Variants in CDKN3 observed in about 807,000 individuals in gnomAD.
CDKN3 encodes the protein cyclin dependent kinase inhibitor 3.
A neutral mutation model predicts 36.1 loss-of-function variants in CDKN3; 19 were observed. The ratio of observed to expected loss-of-function variants is 0.53; its 90% CI spans 0.37 to 0.77. CDKN3 has a LOEUF of 0.77. Ranked by LOEUF, CDKN3 falls within the 30% of genes least tolerant of loss-of-function variation. The pLI is 0.00. For missense variants in CDKN3, 188 were observed against 248.6 expected (o/e 0.76, Z 1.64); for synonymous variants, 71 against 85.3 (o/e 0.83, Z 0.92).
chr14:54,401,658 G>C (rs1311764522), intron 3 of CDKN3, 79 bp downstream of exon 3: 5 of 1,031,026 alleles, frequency 4.8e-6, no homozygotes, highest in Non-Finnish European at 7.1e-6. Context: ...CTTTTGGGGG[G>C]ACAGGTGGTG....
chr14:54,418,430 C>A, intron 7 of CDKN3: 1 of 605,614 alleles, frequency 1.7e-6, no homozygotes, highest in Admixed American at 2.9e-5. Context: ...TGCTAATTAT[C>A]CTTTGCAGTA....
intron 7 of CDKN3, chr14:54,418,387 A>G: frequency 1.5e-6 from 1 of 651,000 alleles, no homozygotes; most frequent in Non-Finnish European, 2.8e-6. Flanking sequence ...ATAAAGACAG[A>G]TGAATGACTA....
At chr14:54,417,985 T>A (rs773124617) in intron 7 of CDKN3, 34 bp downstream of exon 7, 5 of 1,224,892 alleles carry the variant, frequency 4.1e-6, no homozygotes, top group Non-Finnish European at 5.9e-6. Context: ...TTGGTTGTGG[T>A]TGGGGTCGTT....
chr14:54,408,802 T>A lies in CDKN3; in HGVS notation c.193+13T>A. On this transcript the variant is annotated intron_variant, in intron 4 of 7. Coordinates refer to ENST00000335183, the MANE Select transcript of CDKN3 (RefSeq NM_005192.4). Reference sequence around the variant, plus strand: ...CAAAAAGATACAGGTAGGTATAATATCACGCAACCACACTCATGGGTTTTT... The same window carrying A: ...CAAAAAGATACAGGTAGGTATAATAACACGCAACCACACTCATGGGTTTTT... 1.3e-6 allele frequency: 2 copies of A among 1,564,054 alleles called. No individual in the cohort carries two copies. Among genetic ancestry groups the A allele is most frequent in the East Asian group, 2.3e-5 (1 of 43,074 alleles).
intron 3 of CDKN3, among the ~76,000 whole-genome samples, chr14:54,407,143 G>A (rs1007812553): frequency 6.6e-6 from 1 of 152,214 alleles, no homozygotes; most frequent in Non-Finnish European, 1.5e-5. Context: ...GTCCACTCCA[G>A]ACCCTGTTTT....
At chr14:54,410,579 T>A (rs893004926) in intron 4 of CDKN3, among the ~76,000 whole-genome samples, 6 of 152,176 alleles carry the variant, frequency 3.9e-5, no homozygotes, top group African/African-American at 1.4e-4. Flanking sequence ...TTAATACAGG[T>A]AATGTTTTAT....
chr14:54,418,217 C>G (rs1212953352), intron 7 of CDKN3: 1 of 702,390 alleles, frequency 1.4e-6, no homozygotes, highest in Admixed American at 2.0e-5. Context: ...TTTCCAGGAT[C>G]TACCTACTTC....
At chr14:54,407,811 G>C (rs547689395) in intron 3 of CDKN3, among the ~76,000 whole-genome samples, 1 of 152,350 alleles carries the variant, frequency 6.6e-6, no homozygotes, top group Middle Eastern at 3.4e-3. Context: ...CACAGAGCAA[G>C]ACCACTCAGC....
At chr14:54,415,976 A>T (rs764673995) in intron 6 of CDKN3, 46 bp downstream of exon 6, 247 of 1,337,438 alleles carry the variant, frequency 1.8e-4, no homozygotes, top group Non-Finnish European at 2.5e-4. Flanking sequence ...AAATAGACAA[A>T]CTTCTGTTTC....
intron 5 of CDKN3, among the ~76,000 whole-genome samples, chr14:54,414,986 T>C (rs1461871475): frequency 6.7e-6 from 1 of 149,524 alleles, no homozygotes; most frequent in African/African-American, 2.6e-5. Context: ...AAAATATATA[T>C]CTACAGCTTT....
chr14:54,399,898 G>A lies in CDKN3; in HGVS notation c.14G>A (p.Ser5Asn), dbSNP rs1422438720. The A allele has an allele frequency of 1.3e-6, 2 of 1,556,764 alleles. No individual in the cohort carries two copies. The highest frequency in any genetic ancestry group is 1.7e-5 in the Admixed American group (1 of 59,640). ...AACATAACATTTCTTTTGAAGCCCA[G>A]TTCAATACAAACAAGTGAGTTTGAC... is the stretch of plus-strand genomic sequence containing the variant. MKPPSSIQTSEFDSS... is the reference protein window; with the variant it reads MKPPNSIQTSEFDSS... Residue 5 changes from serine to asparagine, a missense_variant, in exon 2 of 8, where the codon AGT becomes AAT. Physicochemically the swap from Ser to Asn is conservative, Grantham distance 46 (BLOSUM62 1). Coordinates refer to ENST00000335183, the MANE Select transcript of CDKN3 (RefSeq NM_005192.4).
chr14:54,416,050 A>G, intron 6 of CDKN3, 120 bp downstream of exon 6: 1 of 769,280 alleles, frequency 1.3e-6, no homozygotes, highest in African/African-American at 1.8e-5. Context: ...CTAAGACTCA[A>G]AGGATTACTT....
chr14:54,411,763 G>A (rs1296579902), intron 5 of CDKN3, 57 bp downstream of exon 5: 1 of 1,102,300 alleles, frequency 9.1e-7, no homozygotes, highest in South Asian at 1.3e-5. Flanking sequence ...ATGATTTCTG[G>A]AATTATGGTA....
chr14:54,412,119 G>A (rs983881127), intron 5 of CDKN3, among the ~76,000 whole-genome samples: 49 of 152,196 alleles, frequency 3.2e-4, no homozygotes, highest in African/African-American at 1.2e-3. Flanking sequence ...AGTGGCTCGC[G>A]CCTGTAATCC....
chr14:54,403,681 A>G (rs1008044031), intron 3 of CDKN3, among the ~76,000 whole-genome samples: 1 of 152,188 alleles, frequency 6.6e-6, no homozygotes, highest in Non-Finnish European at 1.5e-5. Flanking sequence ...TGGGTTTGTC[A>G]TAAATAGCTC....
intron 5 of CDKN3, among the ~76,000 whole-genome samples, chr14:54,411,959 T>A (rs1043367055): frequency 1.3e-5 from 2 of 152,330 alleles, no homozygotes; most frequent in African/African-American, 4.8e-5. Flanking sequence ...TTACAAGCTT[T>A]TCTTTTTTAT....
chr14:54,397,563 G>A (rs1886346485), intron 1 of CDKN3, among the ~76,000 whole-genome samples: 1 of 152,222 alleles, frequency 6.6e-6, no homozygotes, highest in Non-Finnish European at 1.5e-5. Context: ...GGGCCACCTG[G>A]CAATGCTGCT....
At chr14:54,405,585 A>G (rs1283361522) in intron 3 of CDKN3, among the ~76,000 whole-genome samples, 1 of 152,110 alleles carries the variant, frequency 6.6e-6, no homozygotes. Flanking sequence ...TCCCTTTACC[A>G]TTATGTAATC....
At chr14:54,411,824 T>C (rs1381549451) in intron 5 of CDKN3, 118 bp downstream of exon 5, 2 of 741,324 alleles carry the variant, frequency 2.7e-6, no homozygotes, top group Non-Finnish European at 4.8e-6. Flanking sequence ...GATTAAAAGG[T>C]AATAATGCAC....
Sources: allele counts gnomAD v4.1 joint callset (sites outside exome capture counted in the v4.1 genomes callset), GRCh38; gene constraint gnomAD v4.1.1; transcripts MANE v1.5; gene names NCBI Gene and HGNC (gene_info 2026-07-23, HGNC 2026-07-21).